Variants in CAMK2D observed in about 807,000 individuals in gnomAD.
The protein encoded by CAMK2D is calcium/calmodulin-dependent protein kinase type II subunit delta.
CAMK2D carries 37 observed loss-of-function variants against 84.0 expected under a neutral mutation model. The ratio of observed to expected loss-of-function variants is 0.44; its 90% CI spans 0.34 to 0.58. The LOEUF (loss-of-function observed/expected upper bound fraction) is 0.58, where lower values mean the gene tolerates loss of function less well. Among genes scored for constraint, CAMK2D ranks in the 20% least tolerant of loss-of-function variants. The probability of loss-of-function intolerance (pLI) is 0.02; values close to 1 mark genes in which losing one functional copy is unlikely to be tolerated. For synonymous variants in CAMK2D, 202 were observed against 212.5 expected (o/e 0.95, Z 0.43); for missense variants, 448 against 652.5 (o/e 0.69, Z 3.41).
In CAMK2D at chr4:113,452,843, A is replaced by C. The variant is rs1425449827; in HGVS notation, c.*1702T>G. ...TTATTTTAAATATATATGTTGTTTT[A>C]AATTGTGTAATAATTATCAGAAAAG... On this transcript the variant is annotated 3_prime_UTR_variant, in exon 21 of 21. Coordinates refer to ENST00000511664, the MANE Select transcript of CAMK2D (RefSeq NM_001321571.2). 2 of 152,540 alleles carry C rather than the reference A, an allele frequency of 1.3e-5. No homozygotes were observed. The highest frequency in any genetic ancestry group is 2.9e-5 in the Non-Finnish European group (2 of 68,024). The allele number at this position is 152,540 out of a possible 1,614,324, so 9.4% of individuals were successfully genotyped here.
At chr4:113,643,515 C>G (rs1046563663) in intron 3 of CAMK2D, among the ~76,000 whole-genome samples, 1 of 152,250 alleles carries the variant, frequency 6.6e-6, no homozygotes, top group African/African-American at 2.4e-5. Context: ...GTCATAAGAA[C>G]AGGGTCCGGA....
chr4:113,497,286 T>A (rs901247057), intron 16 of CAMK2D, among the ~76,000 whole-genome samples: 1 of 152,162 alleles, frequency 6.6e-6, no homozygotes, highest in Non-Finnish European at 1.5e-5. Context: ...TGAACATGGC[T>A]AGTTCAAAAA....
At chr4:113,639,202 A>C (rs1197513682) in intron 3 of CAMK2D, among the ~76,000 whole-genome samples, 1 of 152,036 alleles carries the variant, frequency 6.6e-6, no homozygotes, top group Non-Finnish European at 1.5e-5. Context: ...TGATCTCTTC[A>C]CTGCACTCCA....
At chr4:113,504,851 A>T in intron 14 of CAMK2D, 125 bp downstream of exon 14, 1 of 372,076 alleles carries the variant, frequency 2.7e-6, no homozygotes, top group Non-Finnish European at 4.6e-6. Context: ...AAAAAACAAA[A>T]CCCAACACCC....
chr4:113,525,969 G>A (rs901544863), intron 8 of CAMK2D, among the ~76,000 whole-genome samples: 25 of 152,154 alleles, frequency 1.6e-4, no homozygotes, highest in Non-Finnish European at 2.8e-4. Flanking sequence ...TTACAATGAT[G>A]ATGAGTTTAA....
At chr4:113,743,625 T>C (rs2099597872) in intron 2 of CAMK2D, among the ~76,000 whole-genome samples, 1 of 152,172 alleles carries the variant, frequency 6.6e-6, no homozygotes, top group Non-Finnish European at 1.5e-5. Context: ...GAATTCATTT[T>C]CCCCAAGCTT....
Position 113,554,225 on chromosome 4 carries a change from T to G in CAMK2D, c.276-2129A>C, listed in dbSNP as rs140133485. On this transcript the variant is annotated intron_variant, in intron 4 of 20. Transcript: ENST00000511664. The stretch of plus-strand genomic sequence containing the variant: ...TACATATTTGCTTAATTAATGACTC[T>G]TGAAGTAATGATTAAATGAATTAAC... Among the ~76,000 whole-genome samples, 510 of 152,268 alleles carry G rather than the reference T, an allele frequency of 3.3e-3. 2 individuals are homozygous for G. Among genetic ancestry groups the G allele is most frequent in the African/African-American group, 0.012 (495 of 41,572 alleles).
chr4:113,663,544 G>A (rs552083385), intron 2 of CAMK2D, among the ~76,000 whole-genome samples: 3 of 151,580 alleles, frequency 2.0e-5, no homozygotes, highest in African/African-American at 4.9e-5. Flanking sequence ...TGCTAAGAAC[G>A]TGCCGCTGCA....
intron 2 of CAMK2D, among the ~76,000 whole-genome samples, chr4:113,741,686 G>A (rs371684781): frequency 6.6e-6 from 1 of 152,176 alleles, no homozygotes; most frequent in East Asian, 1.9e-4. Flanking sequence ...TTACTTCCCT[G>A]CTTCACATCC....
At chr4:113,631,274 A>C (rs1414855623) in intron 3 of CAMK2D, among the ~76,000 whole-genome samples, 1 of 152,166 alleles carries the variant, frequency 6.6e-6, no homozygotes, top group Non-Finnish European at 1.5e-5. Flanking sequence ...GCACCTTTGG[A>C]GGCCAAGGCA....
At chr4:113,549,956 C>G (rs1235126822) in intron 5 of CAMK2D, among the ~76,000 whole-genome samples, 2 of 152,050 alleles carry the variant, frequency 1.3e-5, no homozygotes, top group African/African-American at 4.8e-5. Context: ...CCATAGGAAT[C>G]TTTTTTCTTT....
In CAMK2D at chr4:113,603,361, C is replaced by A. The variant is rs1591793676; in HGVS notation, c.275+5791G>T. On this transcript the variant is annotated intron_variant, in intron 4 of 20. Transcript: ENST00000511664. Reference sequence around the variant, plus strand: ...ATATCTCCTAAAGCTATCCCTCCCCCCTCCCCCCTCCCCCCACCCCACAAC... The same window carrying A: ...ATATCTCCTAAAGCTATCCCTCCCCACTCCCCCCTCCCCCCACCCCACAAC... Among the ~76,000 whole-genome samples, 10 of 108,568 alleles carry A rather than the reference C, an allele frequency of 9.2e-5. No individual in the cohort carries two copies. In the South Asian group the frequency reaches 4.4e-3, roughly 48 times the overall value. The allele number at this position is 108,568 out of a possible 152,430, so 71.2% of individuals were successfully genotyped here.
At chr4:113,533,353 G>T (rs1590841300) in intron 7 of CAMK2D, among the ~76,000 whole-genome samples, 1 of 151,970 alleles carries the variant, frequency 6.6e-6, no homozygotes, top group Admixed American at 6.6e-5. Flanking sequence ...GACATATGGG[G>T]GGTAAAATAG....
rs2154097617 is a variant in CAMK2D at position 113,452,125 on chromosome 4, GT to G, written c.*2419del. On this transcript the variant is annotated 3_prime_UTR_variant, in exon 21 of 21. Transcript: ENST00000511664. ...TAACATCAAAGTGTTACAAGGACAG[GT>G]TCGTATTAAAAAAAAAAAAAAAAAG... The G allele has an allele frequency of 8.9e-6, 1 of 111,736 alleles. No homozygotes were observed. Among genetic ancestry groups the G allele is most frequent in the South Asian group, 3.0e-4 (1 of 3,380 alleles). The allele number at this position is 111,736 out of a possible 1,614,324, so 6.9% of individuals were successfully genotyped here.
intron 4 of CAMK2D, among the ~76,000 whole-genome samples, chr4:113,559,237 T>C (rs1202147031): frequency 6.6e-6 from 1 of 152,216 alleles, no homozygotes; most frequent in Non-Finnish European, 1.5e-5. Flanking sequence ...ACAGAGGAAT[T>C]ATGTATTAAC....
At chr4:113,591,374 C>A (rs2154251562) in intron 4 of CAMK2D, among the ~76,000 whole-genome samples, 1 of 152,200 alleles carries the variant, frequency 6.6e-6, no homozygotes, top group Admixed American at 6.5e-5. Flanking sequence ...TAGAAGGCTT[C>A]AATAGAAGAG....
At chr4:113,513,772 G>A (rs923602485) in intron 11 of CAMK2D, 58 bp downstream of exon 11, 2 of 770,618 alleles carry the variant, frequency 2.6e-6, no homozygotes, top group African/African-American at 3.5e-5. Context: ...TCCTCACACA[G>A]TATTTCACTT....
chr4:113,607,539 C>A (rs1008656245), intron 4 of CAMK2D, among the ~76,000 whole-genome samples: 1 of 152,172 alleles, frequency 6.6e-6, no homozygotes, highest in Non-Finnish European at 1.5e-5. Context: ...CCACCGTAAC[C>A]GATCAATTGA....
At chr4:113,725,104 G>T (rs543578251) in intron 2 of CAMK2D, among the ~76,000 whole-genome samples, 2 of 151,966 alleles carry the variant, frequency 1.3e-5, no homozygotes, top group South Asian at 2.1e-4. Flanking sequence ...AATTTAATAG[G>T]CTTAAGATGT....
Sources: gnomAD v4.1 joint callset for allele counts (sites outside exome capture counted in the v4.1 genomes callset) on GRCh38, gnomAD v4.1.1 for gene constraint, MANE v1.5 for transcripts, NCBI Gene and HGNC (gene_info 2026-07-23, HGNC 2026-07-21) for gene names.